Variants in SLC4A10 observed in about 807,000 individuals in gnomAD.
SLC4A10 encodes sodium-driven chloride bicarbonate exchanger.
Under a neutral mutation model 137.7 loss-of-function variants are expected in SLC4A10, and 42 were observed. The ratio of observed to expected loss-of-function variants is 0.30; its 90% CI spans 0.24 to 0.39. The LOEUF (loss-of-function observed/expected upper bound fraction) is 0.39, where lower values mean the gene tolerates loss of function less well. Ranked by LOEUF, SLC4A10 falls within the 10% of genes least tolerant of loss-of-function variation. The probability of loss-of-function intolerance (pLI) is 1.00; values close to 1 mark genes in which losing one functional copy is unlikely to be tolerated. For synonymous variants in SLC4A10, 474 were observed against 464.1 expected (o/e 1.02, Z -0.27); for missense variants, 925 against 1,355.0 (o/e 0.68, Z 4.98).
intron 23 of SLC4A10, among the ~76,000 whole-genome samples, chr2:161,972,148 C>G (rs1394202346): frequency 6.6e-6 from 1 of 152,160 alleles, no homozygotes; most frequent in Non-Finnish European, 1.5e-5. Flanking sequence ...GAAATGATAT[C>G]ATATACCAGG....
At chr2:161,660,747 G>T (rs774630801) in intron 1 of SLC4A10, among the ~76,000 whole-genome samples, 1 of 150,576 alleles carries the variant, frequency 6.6e-6, no homozygotes, top group Non-Finnish European at 1.5e-5. Context: ...TCTGCCTCAC[G>T]GGTTCAAGCA....
chr2:161,870,437 A>G (rs931210056), intron 6 of SLC4A10, among the ~76,000 whole-genome samples: 1 of 151,758 alleles, frequency 6.6e-6, no homozygotes, highest in African/African-American at 2.4e-5. Context: ...GATTTATACC[A>G]CACGAAATGA....
chr2:161,705,165 G>A (rs1360253212), intron 1 of SLC4A10, among the ~76,000 whole-genome samples: 1 of 151,334 alleles, frequency 6.6e-6, no homozygotes, highest in Non-Finnish European at 1.5e-5. Flanking sequence ...TAAAATGAAT[G>A]CTATTTGAAT....
chr2:161,706,040 G>T (rs2043626819), intron 1 of SLC4A10, among the ~76,000 whole-genome samples: 1 of 151,494 alleles, frequency 6.6e-6, no homozygotes, highest in South Asian at 2.1e-4. Flanking sequence ...ATAGTTTTTA[G>T]TAATTAATTG....
chr2:161,942,726 C>T (rs1293266397), intron 15 of SLC4A10, 66 bp from the exon 16 acceptor site: 1 of 1,205,394 alleles, frequency 8.3e-7, no homozygotes, highest in East Asian at 2.6e-5. Flanking sequence ...AGCCGTTATA[C>T]ATTAGTCTTC....
chr2:161,671,631 C>T (rs193057570), intron 1 of SLC4A10, among the ~76,000 whole-genome samples: 10 of 152,196 alleles, frequency 6.6e-5, no homozygotes, highest in Admixed American at 2.6e-4. Context: ...CAAACCTCAG[C>T]GTCATGCAAA....
chr2:161,878,468 A>C (rs1161675501), intron 8 of SLC4A10, among the ~76,000 whole-genome samples: 1 of 152,160 alleles, frequency 6.6e-6, no homozygotes, highest in Non-Finnish European at 1.5e-5. Context: ...CTTTGTGTAC[A>C]TTCATTTCGA....
At chr2:161,747,597 A>T (rs529080527) in intron 1 of SLC4A10, among the ~76,000 whole-genome samples, 18 of 152,072 alleles carry the variant, frequency 1.2e-4, no homozygotes, top group African/African-American at 3.9e-4. Flanking sequence ...TGCGAGTGGG[A>T]TGATCATTGG....
chr2:161,898,218 C>A (rs956127924), intron 11 of SLC4A10, among the ~76,000 whole-genome samples: 2 of 152,082 alleles, frequency 1.3e-5, no homozygotes, highest in African/African-American at 2.4e-5. Flanking sequence ...TCTATGCTAT[C>A]CAGTAATCAA....
intron 2 of SLC4A10, among the ~76,000 whole-genome samples, chr2:161,803,518 A>G (rs2055593210): frequency 6.6e-6 from 1 of 152,112 alleles, no homozygotes; most frequent in Non-Finnish European, 1.5e-5. Flanking sequence ...CCACCTGTTC[A>G]TCCCTATACC....
chr2:161,882,294 C>A, intron 9 of SLC4A10, 63 bp from the exon 10 acceptor site: 3 of 948,878 alleles, frequency 3.2e-6, no homozygotes, highest in Non-Finnish European at 4.7e-6. Flanking sequence ...ATGAGTGATT[C>A]TGTATTACTA....
At position 161,673,962 on chromosome 2, in the gene SLC4A10, C is replaced by T. The variant is rs536320731; in HGVS notation, c.48+49396C>T. On this transcript the variant is annotated intron_variant, in intron 1 of 26. Coordinates refer to ENST00000446997, the MANE Select transcript of SLC4A10 (RefSeq NM_001178015.2). ...CTGAGATCACGCCACTGTCCTCCAG[C>T]CTGGGTGACACAGCAAGACTCCATC... Among the ~76,000 whole-genome samples, 161 of 152,218 alleles carry T rather than the reference C, an allele frequency of 1.1e-3. 1 individual carries two copies. The highest frequency in any genetic ancestry group is 6.2e-4 in the Non-Finnish European group (42 of 68,018).
At chr2:161,817,842 T>TCTGTTTTGGTACCAGTACCATG (rs1302951829) in intron 3 of SLC4A10, among the ~76,000 whole-genome samples, 2 of 152,040 alleles carry the variant, frequency 1.3e-5, no homozygotes, top group African/African-American at 4.8e-5. Context: ...GATCTATATC[T>TCTGTTTTGGTACCAGTACCATG]CTGTTTTGGT....
At position 161,879,157 on chromosome 2, in the gene SLC4A10, T is replaced by A. The variant is rs747830588; in HGVS notation, c.975T>A (p.Ile325=). ...TTGATCTGCATTTTATGAAAAAGAT[T>A]CCTCCAGGTGCTGAAGCATCGAACA... ...REVDLHFMKK[I]PPGAEASNIL... is the part of the protein sequence containing the mutation. The change falls in exon 9 of 27, where the codon ATT becomes ATA. Residue 325 remains isoleucine, a synonymous_variant. Transcript: ENST00000446997. 1 of 1,613,210 alleles carries A rather than the reference T, an allele frequency of 6.2e-7. No homozygotes were observed. The highest frequency in any genetic ancestry group is 8.5e-7 in the Non-Finnish European group (1 of 1,179,448).
chr2:161,909,758 A>G (rs756850595), intron 15 of SLC4A10, among the ~76,000 whole-genome samples: 3 of 152,194 alleles, frequency 2.0e-5, no homozygotes, highest in Non-Finnish European at 2.9e-5. Flanking sequence ...AGTTATGTTC[A>G]TTAATGAAAA....
At chr2:161,949,519 T>C (rs992573692) in intron 18 of SLC4A10, among the ~76,000 whole-genome samples, 1 of 152,094 alleles carries the variant, frequency 6.6e-6, no homozygotes, top group South Asian at 2.1e-4. Flanking sequence ...GAAATACCTA[T>C]ATATAACATT....
chr2:161,732,209 C>A (rs1201889827), intron 1 of SLC4A10, among the ~76,000 whole-genome samples: 4 of 152,130 alleles, frequency 2.6e-5, no homozygotes, highest in African/African-American at 9.7e-5. Flanking sequence ...ATCAACTTAA[C>A]CTTTGGCATC....
chr2:161,902,997 A>G (rs1419259729), intron 12 of SLC4A10, among the ~76,000 whole-genome samples: 1 of 152,186 alleles, frequency 6.6e-6, no homozygotes. Flanking sequence ...ACTTATTCAT[A>G]GTCTTATTCA....
At chr2:161,759,574 A>G (rs1167724130) in intron 1 of SLC4A10, among the ~76,000 whole-genome samples, 1 of 151,988 alleles carries the variant, frequency 6.6e-6, no homozygotes, top group African/African-American at 2.4e-5. Context: ...AGGTGAGATC[A>G]TATAGTACTT....
Sources: allele counts gnomAD v4.1 joint callset (sites outside exome capture counted in the v4.1 genomes callset), GRCh38; gene constraint gnomAD v4.1.1; transcripts MANE v1.5; gene names NCBI Gene and HGNC (gene_info 2026-07-23, HGNC 2026-07-21).